Variants in ZFYVE9 observed in about 807,000 individuals in gnomAD.
ZFYVE9 encodes the protein zinc finger FYVE domain-containing protein 9.
Under a neutral mutation model 126.7 loss-of-function variants are expected in ZFYVE9, and 43 were observed. The observed-to-expected ratio is 0.34, with a 90% CI of 0.27 to 0.44. The LOEUF is 0.44. Among genes scored for constraint, ZFYVE9 ranks in the 20% least tolerant of loss-of-function variants. The probability of loss-of-function intolerance (pLI) is 1.00; values close to 1 mark genes in which losing one functional copy is unlikely to be tolerated. For synonymous variants in ZFYVE9, 521 were observed against 597.4 expected (o/e 0.87, Z 1.87); for missense variants, 1,476 against 1,697.0 (o/e 0.87, Z 2.29).
Position 52,274,501 on chromosome 1 carries a change from T to C in ZFYVE9, c.2663T>C (p.Val888Ala). The C allele has an allele frequency of 6.2e-7, 1 of 1,612,468 alleles. No individual in the cohort carries two copies. The highest frequency in any genetic ancestry group is 8.5e-7 in the Non-Finnish European group (1 of 1,178,908). The stretch of plus-strand genomic sequence containing the variant: ...CTATTCTCTGGGAGTATAACTCAGG[T>C]TGGAAGTCCTGTTGGAAGTGCAATG... ...ICLFSGSITQ[V>A]GSPVGSAMNL... Residue 888 changes from valine to alanine, a missense_variant, in exon 8 of 19, where the codon GTT becomes GCT. This residue lies in a region of ZFYVE9 where 669 missense variants were observed against 902.4 expected (regional missense o/e 0.74). Transcript: ENST00000287727.
chr1:52,236,782 G>C (rs1160468756), intron 3 of ZFYVE9, among the ~76,000 whole-genome samples: 1 of 152,110 alleles, frequency 6.6e-6, no homozygotes, highest in African/African-American at 2.4e-5. Context: ...TTCACGTACT[G>C]TGGCAAACTT....
rs114011561 is a variant in ZFYVE9 at position 52,226,566 on chromosome 1, C to G, written c.-36-6605C>G. ...GAAAAAAGAAAATGATTTGGGGCTA[C>G]TTTTCATTAAAAAGAAAAGCCTTAC... On this transcript the variant is annotated intron_variant, in intron 2 of 18. Coordinates refer to ENST00000287727, the MANE Select transcript of ZFYVE9 (RefSeq NM_004799.4). 3.3e-3 allele frequency among the ~76,000 whole-genome samples: 509 copies of G among 152,196 alleles called. 2 individuals are homozygous for G. Among genetic ancestry groups the G allele is most frequent in the African/African-American group, 0.012 (480 of 41,544 alleles).
chr1:52,283,143 G>A (rs1645821354), intron 10 of ZFYVE9, among the ~76,000 whole-genome samples: 1 of 152,114 alleles, frequency 6.6e-6, no homozygotes, highest in Non-Finnish European at 1.5e-5. Flanking sequence ...ATAATACCCT[G>A]GAGCTGAATT....
At chr1:52,176,495 C>T (rs1473804576) in intron 1 of ZFYVE9, among the ~76,000 whole-genome samples, 2 of 152,192 alleles carry the variant, frequency 1.3e-5, no homozygotes, top group Non-Finnish European at 2.9e-5. Flanking sequence ...CACCTGTGTG[C>T]TGGGAGAACC....
rs375922306 is a variant in ZFYVE9 at position 52,210,598 on chromosome 1, T to C, written c.-142-5771T>C. Among the ~76,000 whole-genome samples, 9 of 152,310 alleles carry C rather than the reference T, an allele frequency of 5.9e-5. No homozygotes were observed. The East Asian group carries it at 1.7e-3, about 29-fold the overall frequency. ...AAAATGTAGTGGTTTAAAATAACAA[T>C]TTAATTATCTCTCATGGTTCTGGGG... On this transcript the variant is annotated intron_variant, in intron 1 of 18. Transcript: ENST00000287727.
chr1:52,269,784 G>A (rs952186532), intron 7 of ZFYVE9, among the ~76,000 whole-genome samples: 2 of 150,206 alleles, frequency 1.3e-5, no homozygotes, highest in Admixed American at 6.6e-5. Flanking sequence ...TTTTTTGTTT[G>A]TTTGTTTTGG....
chr1:52,332,852 T>G lies in ZFYVE9; in HGVS notation c.3523T>G (p.Cys1175Gly). The G allele has an allele frequency of 6.2e-7, 1 of 1,614,202 alleles. No individual in the cohort carries two copies. Among genetic ancestry groups the G allele is most frequent in the Non-Finnish European group, 8.5e-7 (1 of 1,180,034 alleles). The change falls in exon 14 of 19, where the codon TGT (cysteine) becomes GGT (glycine). Residue 1175 changes from cysteine (C) to glycine (G), a missense_variant. By Grantham distance (159) the Cys-to-Gly change is radical. Around this residue, in one of 2 missense-constraint regions of ZFYVE9, gnomAD observed 669 missense variants for 902.4 expected, o/e 0.74. Transcript: ENST00000287727. ...FNEKADSHLV[C>G]VQNDDGNYQT... ...TGAAAAGGCAGACTCTCATCTTGTG[T>G]GTGTACAGAATGATGATGGAAACTA...
chr1:52,332,019 A>G (rs1646347079), intron 13 of ZFYVE9, among the ~76,000 whole-genome samples: 1 of 151,882 alleles, frequency 6.6e-6, no homozygotes. Context: ...TGACCTCGTG[A>G]TCCGCCTGCC....
At chr1:52,257,462 C>T (rs1048424891) in intron 4 of ZFYVE9, among the ~76,000 whole-genome samples, 1 of 152,114 alleles carries the variant, frequency 6.6e-6, no homozygotes, top group Non-Finnish European at 1.5e-5. Context: ...TTAACCAGTA[C>T]TTAGCTGGAA....
At chr1:52,264,098 G>T (rs1645610715) in intron 5 of ZFYVE9, 3 of 286,594 alleles carry the variant, frequency 1.0e-5, no homozygotes, top group Non-Finnish European at 2.0e-5. Context: ...GGTAAGTTTT[G>T]CAGGAATAAT....
intron 13 of ZFYVE9, among the ~76,000 whole-genome samples, chr1:52,316,595 G>A (rs1569742464): frequency 6.6e-6 from 1 of 151,966 alleles, no homozygotes; most frequent in Admixed American, 6.6e-5. Flanking sequence ...TACAACCAGG[G>A]ATAAAGAAAT....
chr1:52,299,337 A>G (rs919292802), intron 12 of ZFYVE9, among the ~76,000 whole-genome samples: 2 of 152,108 alleles, frequency 1.3e-5, no homozygotes, highest in Non-Finnish European at 2.9e-5. Context: ...AGGGTTTTCT[A>G]TGTATAGGGT....
At chr1:52,338,004 T>A in intron 16 of ZFYVE9, 70 bp downstream of exon 16, 3 of 1,504,886 alleles carry the variant, frequency 2.0e-6, no homozygotes. Flanking sequence ...GTCTGCTGTC[T>A]ACATTGGTGT....
At chr1:52,147,053 T>C (rs535946739) in intron 1 of ZFYVE9, among the ~76,000 whole-genome samples, 43 of 152,258 alleles carry the variant, frequency 2.8e-4, no homozygotes, top group Non-Finnish European at 4.9e-4. Flanking sequence ...ATGTACAAAA[T>C]TATTAAAAAT....
intron 15 of ZFYVE9, among the ~76,000 whole-genome samples, chr1:52,335,505 G>A (rs74080939): frequency 0.03 from 4,567 of 152,242 alleles, 168 homozygotes; most frequent in African/African-American, 0.087. Context: ...GGGTACTTAC[G>A]TGGGGACTCC....
chr1:52,299,054 C>T (rs561451190), intron 12 of ZFYVE9, among the ~76,000 whole-genome samples: 225 of 152,128 alleles, frequency 1.5e-3, no homozygotes, highest in African/African-American at 5.0e-3. Context: ...ATGATCCGCC[C>T]GCCTCTGCCT....
intron 12 of ZFYVE9, among the ~76,000 whole-genome samples, chr1:52,299,723 G>A (rs1287148118): frequency 1.3e-5 from 2 of 152,202 alleles, no homozygotes; most frequent in Non-Finnish European, 2.9e-5. Context: ...GGATGATGGT[G>A]ATACAGCTAC....
chr1:52,311,018 A>C (rs532407218), intron 13 of ZFYVE9, among the ~76,000 whole-genome samples: 1 of 152,258 alleles, frequency 6.6e-6, no homozygotes, highest in South Asian at 2.1e-4. Flanking sequence ...GGTGTGCACC[A>C]CTGTGCGCAG....
intron 1 of ZFYVE9, among the ~76,000 whole-genome samples, chr1:52,196,742 ATTAAC>A (rs1644864643): frequency 6.6e-6 from 1 of 152,224 alleles, no homozygotes; most frequent in African/African-American, 2.4e-5. Flanking sequence ...AGTGGTATTT[ATTAAC>A]TTGTAAATTT....
Sources: gnomAD v4.1 joint callset for allele counts (sites outside exome capture counted in the v4.1 genomes callset) on GRCh38, gnomAD v4.1.1 for gene constraint, gnomAD v4.1.1 regional missense constraint, MANE v1.5 for transcripts, NCBI Gene and HGNC (gene_info 2026-07-23, HGNC 2026-07-21) for gene names.